Variants in SERPINE2 observed in about 807,000 individuals in gnomAD.
SERPINE2 encodes serpin family E member 2.
Under a neutral mutation model 36.3 loss-of-function variants are expected in SERPINE2, and 14 were observed. The observed-to-expected ratio is 0.39, with a 90% CI of 0.25 to 0.60. The LOEUF is 0.60. SERPINE2 is among the 20% of genes least tolerant of loss of function. SERPINE2 has a pLI of 0.57. For missense variants in SERPINE2, 418 were observed against 499.6 expected, an observed-to-expected ratio of 0.84 and a Z score of 1.56; for synonymous variants, 192 against 191.8, an observed-to-expected ratio of 1.00 and a Z score of -0.01.
At chr2:224,012,343 A>G (rs1038470690) in intron 1 of SERPINE2, among the ~76,000 whole-genome samples, 6 of 152,194 alleles carry the variant, frequency 3.9e-5, no homozygotes, top group African/African-American at 1.2e-4. Flanking sequence ...TTGGCTGTTA[A>G]GAACCTATCT....
Position 224,035,153 on chromosome 2 carries a change from G to A in SERPINE2, c.-23+3946C>T, listed in dbSNP as rs967779662. Among the ~76,000 whole-genome samples the A allele has an allele frequency of 5.3e-5, 8 of 152,270 alleles. No individual in the cohort carries two copies. In the South Asian group the frequency reaches 6.2e-4, roughly 12 times the overall value. On this transcript the variant is annotated intron_variant, in intron 1 of 8. Coordinates refer to ENST00000409304, the MANE Select transcript of SERPINE2 (RefSeq NM_001136528.2). ...AGAAGGGATGCAACATGAGGTGCAC[G>A]ACACTGTGCAGTAAGCACTAGGCAT...
At chr2:224,006,880 T>C (rs890747223) in intron 1 of SERPINE2, among the ~76,000 whole-genome samples, 1 of 152,168 alleles carries the variant, frequency 6.6e-6, no homozygotes, top group African/African-American at 2.4e-5. Flanking sequence ...CCACCCCTTA[T>C]GGGCTGGGCA....
chr2:223,994,133 G>A (rs1450974089), intron 3 of SERPINE2, among the ~76,000 whole-genome samples: 1 of 152,058 alleles, frequency 6.6e-6, no homozygotes, highest in Non-Finnish European at 1.5e-5. Flanking sequence ...TTTCTGTAAA[G>A]CCCAATGCCT....
chr2:224,004,176 G>C (rs751748904), intron 1 of SERPINE2, among the ~76,000 whole-genome samples: 6 of 152,132 alleles, frequency 3.9e-5, no homozygotes, highest in Non-Finnish European at 5.9e-5. Flanking sequence ...GTTTAATCCT[G>C]ATCCTCACGG....
rs377330114 is a variant in SERPINE2, at chr2:224,001,806, G to C, written c.95C>G (p.Ser32Cys). The change falls in exon 2 of 9, where the codon TCC becomes TGC. Residue 32 changes from serine (S) to cysteine (C), a missense_variant. Transcript: ENST00000409304. ...FNPLSLEELG[S>C]NTGIQVFNQI... ...ATTGAAAACCTGGATCCCCGTGTTG[G>C]AGCCTAGTTCCTCGAGAGACAGAGG... The C allele has an allele frequency of 6.2e-7, 1 of 1,614,130 alleles. No homozygotes were observed. The highest frequency in any genetic ancestry group is 8.5e-7 in the Non-Finnish European group (1 of 1,180,050).
intron 1 of SERPINE2, among the ~76,000 whole-genome samples, chr2:224,011,681 C>T (rs548232320): frequency 1.2e-3 from 176 of 152,208 alleles, no homozygotes; most frequent in Non-Finnish European, 2.2e-3. Context: ...TAAAGGCAAT[C>T]CCTAGTACGC....
chr2:223,999,013 TC>T (rs1691002293), intron 2 of SERPINE2, among the ~76,000 whole-genome samples: 1 of 152,238 alleles, frequency 6.6e-6, no homozygotes, highest in Non-Finnish European at 1.5e-5. Context: ...AAAGGGAACT[TC>T]CTAATGCTTT....
At chr2:223,991,630 A>G (rs1690675782) in intron 4 of SERPINE2, among the ~76,000 whole-genome samples, 173 bp downstream of exon 4, 1 of 152,232 alleles carries the variant, frequency 6.6e-6, no homozygotes, top group Non-Finnish European at 1.5e-5. Context: ...ACTTTTGTAC[A>G]TAACACAGAT....
At chr2:224,026,946 T>C (rs959510904) in intron 1 of SERPINE2, among the ~76,000 whole-genome samples, 1 of 152,218 alleles carries the variant, frequency 6.6e-6, no homozygotes, top group East Asian at 1.9e-4. Context: ...TAGCCAACTC[T>C]TAGCTGGTAC....
chr2:224,026,870 T>A (rs1692203171), intron 1 of SERPINE2, among the ~76,000 whole-genome samples: 1 of 152,198 alleles, frequency 6.6e-6, no homozygotes, highest in Admixed American at 6.5e-5. Flanking sequence ...TCTAGGGAAT[T>A]AATCTCTCCT....
intron 1 of SERPINE2, among the ~76,000 whole-genome samples, chr2:224,012,941 T>A (rs938453763): frequency 3.3e-5 from 5 of 152,188 alleles, no homozygotes; most frequent in African/African-American, 7.2e-5. Flanking sequence ...TAAAGTGGAA[T>A]CTTTTTATAT....
At chr2:223,987,309 A>G (rs910184255) in intron 4 of SERPINE2, among the ~76,000 whole-genome samples, 2 of 152,140 alleles carry the variant, frequency 1.3e-5, no homozygotes, top group African/African-American at 4.8e-5. Flanking sequence ...CCCTGCTCAC[A>G]GTCTAAACAC....
intron 8 of SERPINE2, among the ~76,000 whole-genome samples, 180 bp downstream of exon 8, chr2:223,977,364 G>C (rs1250883069): frequency 6.6e-6 from 1 of 152,170 alleles, no homozygotes; most frequent in African/African-American, 2.4e-5. Flanking sequence ...CATCACATCT[G>C]TAAACACAGC....
chr2:224,010,993 G>C (rs541622577), intron 1 of SERPINE2, among the ~76,000 whole-genome samples: 11 of 152,118 alleles, frequency 7.2e-5, no homozygotes, highest in Admixed American at 1.3e-4. Flanking sequence ...ATGCTGGTGC[G>C]TTTTGCCGTC....
chr2:223,992,593 G>A (rs1182642432), intron 3 of SERPINE2, among the ~76,000 whole-genome samples: 3 of 152,062 alleles, frequency 2.0e-5, no homozygotes, highest in South Asian at 2.1e-4. Context: ...AAGAAGAAAG[G>A]AAACAAAAAA....
At chr2:224,021,394 T>G (rs558715869) in intron 1 of SERPINE2, among the ~76,000 whole-genome samples, 1 of 151,934 alleles carries the variant, frequency 6.6e-6, no homozygotes, top group Non-Finnish European at 1.5e-5. Flanking sequence ...AGGGCCTACA[T>G]CAAGAGGGAA....
chr2:224,012,096 C>T (rs1341802589), intron 1 of SERPINE2, among the ~76,000 whole-genome samples: 2 of 152,198 alleles, frequency 1.3e-5, no homozygotes, highest in African/African-American at 4.8e-5. Flanking sequence ...TGCTTGTTAA[C>T]TGACTCTCCA....
intron 1 of SERPINE2, among the ~76,000 whole-genome samples, chr2:224,004,092 C>T (rs1691297611): frequency 6.6e-6 from 1 of 152,188 alleles, no homozygotes; most frequent in South Asian, 2.1e-4. Context: ...CTCATAAATA[C>T]TTCCTATTTT....
At chr2:223,978,915 T>G (rs1318913714) in intron 7 of SERPINE2, 1 of 152,096 alleles carries the variant, frequency 6.6e-6, no homozygotes, top group Non-Finnish European at 1.5e-5. Context: ...AATAGGACCG[T>G]TGCCCTTATT....
Sources: gnomAD v4.1 joint callset for allele counts (sites outside exome capture counted in the v4.1 genomes callset) on GRCh38, gnomAD v4.1.1 for gene constraint, MANE v1.5 for transcripts, NCBI Gene and HGNC (gene_info 2026-07-23, HGNC 2026-07-21) for gene names.